Variants in CEP63 observed in about 807,000 individuals in gnomAD.
CEP63 encodes the protein centrosomal protein of 63 kDa.
A neutral mutation model predicts 89.1 loss-of-function variants in CEP63; 84 were observed. The ratio of observed to expected loss-of-function variants is 0.94; its 90% CI spans 0.79 to 1.13. The LOEUF (loss-of-function observed/expected upper bound fraction) is 1.13. CEP63 is among the 50% of genes most tolerant of loss of function. The pLI is 0.00. For synonymous variants in CEP63, 267 were observed against 272.5 expected, an observed-to-expected ratio of 0.98 and a Z score of 0.20; for missense variants, 838 against 813.3, an observed-to-expected ratio of 1.03 and a Z score of -0.37.
intron 6 of CEP63, among the ~76,000 whole-genome samples, chr3:134,538,545 A>ATATATATC: frequency 7.1e-6 from 1 of 140,224 alleles, no homozygotes; most frequent in South Asian, 2.2e-4. Context: ...ATATATATAT[A>ATATATATC]TATATATATG....
At chr3:134,710,660 A>G in the CEP63 span, among the ~76,000 whole-genome samples, 1 of 150,992 alleles carries the variant, frequency 6.6e-6, no homozygotes, top group Admixed American at 6.6e-5. Flanking sequence ...AAATTACACA[A>G]TCGTACTTTG....
At chr3:134,504,566 A>G (rs1201315258) in intron 2 of CEP63, among the ~76,000 whole-genome samples, 3 of 152,212 alleles carry the variant, frequency 2.0e-5, no homozygotes, top group Admixed American at 6.5e-5. Flanking sequence ...CAGTTTGACT[A>G]TAATGTGCCT....
At chr3:134,716,571 C>T in the CEP63 span, among the ~76,000 whole-genome samples, 1 of 152,128 alleles carries the variant, frequency 6.6e-6, no homozygotes, top group East Asian at 1.9e-4. Flanking sequence ...TACATCCAAG[C>T]CCCTCCTTGG....
intron 11 of CEP63, among the ~76,000 whole-genome samples, chr3:134,571,400 G>A (rs1958003680): frequency 6.6e-6 from 1 of 152,212 alleles, no homozygotes; most frequent in Non-Finnish European, 1.5e-5. Flanking sequence ...AAGATACAAA[G>A]GCCGGGTGTG....
chr3:134,520,116 A>G (rs956000968), intron 3 of CEP63, among the ~76,000 whole-genome samples: 1 of 152,184 alleles, frequency 6.6e-6, no homozygotes, highest in Non-Finnish European at 1.5e-5. Context: ...AATAAAAGAC[A>G]TAAGGATTAG....
chr3:134,507,736 G>A (rs1401642929), intron 3 of CEP63, among the ~76,000 whole-genome samples: 1 of 151,866 alleles, frequency 6.6e-6, no homozygotes, highest in Admixed American at 6.6e-5. Context: ...AACAAAACAC[G>A]TTTACCATGT....
At chr3:134,538,058 G>A (rs62271469) in intron 6 of CEP63, among the ~76,000 whole-genome samples, 3,329 of 152,190 alleles carry the variant, frequency 0.022, 59 homozygotes, top group South Asian at 0.048. Flanking sequence ...GTGATCATCT[G>A]TTATGTGCTA....
intron 10 of CEP63, among the ~76,000 whole-genome samples, chr3:134,586,835 A>G (rs1454232230): frequency 6.6e-6 from 1 of 151,938 alleles, no homozygotes; most frequent in Non-Finnish European, 1.5e-5. Context: ...CACCAATCAA[A>G]CATAGATTTG....
In CEP63 at chr3:134,507,288, T is replaced by C; in HGVS notation, c.222+2T>C. ...CAGTTGGATGTGACACATAAGGAGG[T>C]AAAGCAATTTATTTGTTCTTCTTTT... On this transcript the variant is annotated splice_donor_variant, in intron 3 of 14. Coordinates refer to ENST00000675561, the MANE Select transcript of CEP63 (RefSeq NM_001353108.3). LOFTEE classifies it high-confidence loss of function. 1.2e-6 allele frequency: 2 copies of C among 1,602,590 alleles called. No homozygotes were observed. The highest frequency in any genetic ancestry group is 1.7e-6 in the Non-Finnish European group (2 of 1,170,770).
chr3:134,779,705 C>T, the CEP63 span: 5 of 152,136 alleles, frequency 3.3e-5, no homozygotes, highest in African/African-American at 1.2e-4. Context: ...GGTGGGTGTA[C>T]CTCCTCCATG....
chr3:134,766,554 A>C, the CEP63 span, among the ~76,000 whole-genome samples: 1 of 152,208 alleles, frequency 6.6e-6, no homozygotes, highest in East Asian at 1.9e-4. Flanking sequence ...TGTACTAGGA[A>C]TGTTCCTATC....
chr3:134,760,714 T>G, the CEP63 span, among the ~76,000 whole-genome samples: 1 of 152,186 alleles, frequency 6.6e-6, no homozygotes, highest in Non-Finnish European at 1.5e-5. Context: ...GCTATAATAG[T>G]TGGTGGCCAC....
the CEP63 span, chr3:134,604,294 A>T: frequency 1.2e-6 from 2 of 1,613,968 alleles, no homozygotes; most frequent in South Asian, 2.2e-5. Flanking sequence ...TGAGCTGTAG[A>T]TGTCGGAGTT....
At chr3:134,622,543 C>T in the CEP63 span, among the ~76,000 whole-genome samples, 1,009 of 152,022 alleles carry the variant, frequency 6.6e-3, 8 homozygotes, top group African/African-American at 0.023. Flanking sequence ...TAGAGATTAC[C>T]AGGGGCTGGG....
At position 134,562,216 on chromosome 3, in the gene CEP63, G is replaced by T; in HGVS notation, c.*681G>T. 5 of 985,928 alleles carry T rather than the reference G, an allele frequency of 5.1e-6. No individual in the cohort carries two copies. The highest frequency in any genetic ancestry group is 6.0e-6 in the Non-Finnish European group (5 of 830,120). The allele number at this position is 985,928 out of a possible 1,614,324, so 61.1% of individuals were successfully genotyped here. ...AAATGTTCATCGTCTGCACTGCTGA[G>T]GACAAGTTTAGATGGGAGACAAAGA... On this transcript the variant is annotated 3_prime_UTR_variant, in exon 15 of 15. Transcript: ENST00000675561.
chr3:134,715,178 G>A, the CEP63 span, among the ~76,000 whole-genome samples: 1 of 152,176 alleles, frequency 6.6e-6, no homozygotes, highest in Admixed American at 6.5e-5. Flanking sequence ...GGATACTACT[G>A]TCCATCTCTC....
At chr3:134,641,713 C>T in the CEP63 span, among the ~76,000 whole-genome samples, 33 of 152,164 alleles carry the variant, frequency 2.2e-4, no homozygotes, top group Non-Finnish European at 4.3e-4. Context: ...TATACAACCC[C>T]GCACAGCCCC....
intron 3 of CEP63, among the ~76,000 whole-genome samples, chr3:134,509,080 T>C (rs941142100): frequency 6.6e-6 from 1 of 152,032 alleles, no homozygotes; most frequent in African/African-American, 2.4e-5. Context: ...CATGAAAATA[T>C]TTTGCTTCTT....
chr3:134,507,278 C>T lies in CEP63; in HGVS notation c.214C>T (p.His72Tyr), dbSNP rs1176291155. 1 of 1,610,262 alleles carries T rather than the reference C, an allele frequency of 6.2e-7. No individual in the cohort carries two copies. ...KSLRSQLDVT[H>Y]KEVGMLHQQV... ...TCTTAGGAGTCAGTTGGATGTGACA[C>T]ATAAGGAGGTAAAGCAATTTATTTG... The change falls in exon 3 of 15, where the codon CAT becomes TAT. Residue 72 changes from histidine to tyrosine, a missense_variant. Coordinates refer to ENST00000675561, the MANE Select transcript of CEP63 (RefSeq NM_001353108.3).
Sources: allele counts gnomAD v4.1 joint callset (sites outside exome capture counted in the v4.1 genomes callset), GRCh38; gene constraint gnomAD v4.1.1; transcripts MANE v1.5; gene names NCBI Gene and HGNC (gene_info 2026-07-23, HGNC 2026-07-21).